The following CLNK variants were observed in gnomAD, a reference collection of about 807,000 sequenced individuals.
The protein encoded by CLNK is cytokine-dependent hematopoietic cell linker.
A neutral mutation model predicts 68.6 loss-of-function variants in CLNK; 74 were observed. The observed-to-expected ratio is 1.08, with a 90% CI of 0.89 to 1.31. CLNK has a LOEUF of 1.31. Ranked by LOEUF, CLNK falls within the 50% of genes most tolerant of loss-of-function variation. CLNK has a pLI of 0.00. For synonymous variants in CLNK, 198 were observed against 172.2 expected (o/e 1.15, Z -1.17); for missense variants, 553 against 515.3 (o/e 1.07, Z -0.71).
At chr4:10,623,343 T>C (rs984535602) in intron 2 of CLNK, among the ~76,000 whole-genome samples, 1 of 152,190 alleles carries the variant, frequency 6.6e-6, no homozygotes, top group Non-Finnish European at 1.5e-5. Flanking sequence ...GCTCTTTTAA[T>C]AAAGCCTCAT....
At chr4:10,727,073 G>A in the CLNK span, among the ~76,000 whole-genome samples, 346 of 152,288 alleles carry the variant, frequency 2.3e-3, 1 homozygote, top group Middle Eastern at 3.4e-3. Flanking sequence ...CAGTGCAGAA[G>A]CCTGAGACTC....
At chr4:10,534,642 A>G (rs1297572623) in intron 11 of CLNK, among the ~76,000 whole-genome samples, 1 of 152,216 alleles carries the variant, frequency 6.6e-6, no homozygotes, top group Non-Finnish European at 1.5e-5. Flanking sequence ...CGTGAAAGCT[A>G]TTTGGAGTGA....
chr4:10,711,023 A>C, the CLNK span, among the ~76,000 whole-genome samples: 10 of 152,232 alleles, frequency 6.6e-5, no homozygotes, highest in Non-Finnish European at 1.3e-4. Flanking sequence ...TTATACTTCA[A>C]GAGTCTGTCT....
At position 10,575,448 on chromosome 4, in the gene CLNK, G is replaced by A. The variant is rs574940883; in HGVS notation, c.113-3670C>T. 4.6e-5 allele frequency among the ~76,000 whole-genome samples: 7 copies of A among 152,316 alleles called. No individual in the cohort carries two copies. In the East Asian group the frequency reaches 5.8e-4, roughly 13 times the overall value. ...CCTGGAGGGGTCTTCCCTGACTACC[G>A]GTGTCAAGCAAAAATTAAAGAGCGC... On this transcript the variant is annotated intron_variant, in intron 4 of 18. Coordinates refer to ENST00000226951, the MANE Select transcript of CLNK (RefSeq NM_052964.4).
intron 2 of CLNK, among the ~76,000 whole-genome samples, chr4:10,631,046 G>T (rs771156900): frequency 1.4e-5 from 2 of 141,648 alleles, no homozygotes; most frequent in Non-Finnish European, 3.3e-5. Flanking sequence ...AAATGCCAGT[G>T]CTGCTTTACG....
intron 2 of CLNK, among the ~76,000 whole-genome samples, chr4:10,624,378 C>T (rs982669721): frequency 3.9e-5 from 6 of 152,186 alleles, no homozygotes; most frequent in Admixed American, 6.5e-5. Flanking sequence ...CTGCAAGCTC[C>T]GCCTCCTGGG....
At chr4:10,683,078 T>C (rs2108904793) in intron 1 of CLNK, among the ~76,000 whole-genome samples, 1 of 152,262 alleles carries the variant, frequency 6.6e-6, no homozygotes, top group East Asian at 1.9e-4. Context: ...TATTATATTA[T>C]TGAGGCTAAA....
chr4:10,635,959 C>G (rs1320989807), intron 2 of CLNK: 2 of 152,198 alleles, frequency 1.3e-5, no homozygotes, highest in Non-Finnish European at 2.9e-5. Context: ...GCTTTTCTCA[C>G]AAAGTGGGAA....
chr4:10,671,985 C>T (rs986604693), intron 1 of CLNK, among the ~76,000 whole-genome samples: 9 of 152,086 alleles, frequency 5.9e-5, no homozygotes, highest in African/African-American at 1.2e-4. Context: ...TATCAGCCTA[C>T]GCAGCTACTT....
chr4:10,637,015 T>A (rs1723118088), intron 2 of CLNK, among the ~76,000 whole-genome samples: 1 of 152,090 alleles, frequency 6.6e-6, no homozygotes, highest in South Asian at 2.1e-4. Flanking sequence ...TGCACACAGG[T>A]GTTGCAGTAT....
chr4:10,542,076 T>C, intron 9 of CLNK, 35 bp from the exon 10 acceptor site: 1 of 1,571,368 alleles, frequency 6.4e-7, no homozygotes, highest in Non-Finnish European at 8.7e-7. Context: ...ATTAAGTTTA[T>C]TGTTCTGTGA....
intron 2 of CLNK, among the ~76,000 whole-genome samples, chr4:10,621,204 G>T (rs566783122): frequency 1.3e-5 from 2 of 152,292 alleles, no homozygotes; most frequent in Non-Finnish European, 2.9e-5. Flanking sequence ...AGCCCAGGAC[G>T]TTTTTCCACA....
the CLNK span, among the ~76,000 whole-genome samples, chr4:10,718,302 C>T: frequency 6.6e-6 from 1 of 152,070 alleles, no homozygotes; most frequent in Admixed American, 6.5e-5. Context: ...CATAAATCCA[C>T]ATATTCAAGA....
At chr4:10,611,840 C>T (rs1251232869) in intron 2 of CLNK, among the ~76,000 whole-genome samples, 1 of 152,136 alleles carries the variant, frequency 6.6e-6, no homozygotes, top group East Asian at 1.9e-4. Context: ...CCAGGATCCT[C>T]ATTGTAAAAT....
intron 2 of CLNK, among the ~76,000 whole-genome samples, chr4:10,614,626 C>T (rs377236600): frequency 3.3e-5 from 5 of 152,210 alleles, no homozygotes; most frequent in Non-Finnish European, 7.3e-5. Flanking sequence ...CCCAGCCCCA[C>T]TGAACCGAAA....
the CLNK span, chr4:10,697,710 A>T: frequency 6.6e-6 from 1 of 152,182 alleles, no homozygotes. Flanking sequence ...TCTGTCTGCT[A>T]GCTCCTCCTT....
intron 2 of CLNK, among the ~76,000 whole-genome samples, chr4:10,621,565 C>T (rs1722459893): frequency 6.6e-6 from 1 of 152,178 alleles, no homozygotes. Context: ...TCCACAAATG[C>T]TAGTCACTGG....
chr4:10,667,367 C>T (rs954940106), intron 2 of CLNK, among the ~76,000 whole-genome samples: 4 of 114,492 alleles, frequency 3.5e-5, no homozygotes, highest in Non-Finnish European at 5.3e-5. Context: ...CTTTTGAGTC[C>T]TGCTAATTTT....
chr4:10,614,207 G>C (rs1180159387), intron 2 of CLNK, among the ~76,000 whole-genome samples: 1 of 152,238 alleles, frequency 6.6e-6, no homozygotes, highest in Non-Finnish European at 1.5e-5. Flanking sequence ...GGAGCCTGCT[G>C]GTAGGAAATT....
Sources: gnomAD v4.1 joint callset for allele counts (sites outside exome capture counted in the v4.1 genomes callset) on GRCh38, gnomAD v4.1.1 for gene constraint, MANE v1.5 for transcripts, NCBI Gene and HGNC (gene_info 2026-07-23, HGNC 2026-07-21) for gene names.